Variants in NBPF12 observed in about 807,000 individuals in gnomAD.
NBPF12 encodes NBPF member 12.
A neutral mutation model predicts 146.4 loss-of-function variants in NBPF12; 115 were observed. The observed-to-expected ratio is 0.79, with a 90% CI of 0.68 to 0.92. The LOEUF (loss-of-function observed/expected upper bound fraction) is 0.92, where lower values mean the gene tolerates loss of function less well. NBPF12 is among the 40% of genes least tolerant of loss of function. The probability of loss-of-function intolerance (pLI) is 0.00; values close to 1 mark genes in which losing one functional copy is unlikely to be tolerated. For synonymous variants in NBPF12, 385 were observed against 508.9 expected (o/e 0.76, Z 3.28); for missense variants, 1,205 against 1,326.8 (o/e 0.91, Z 1.43).
chr1:146,969,099 A>G (rs1281675114), intron 10 of NBPF12, among the ~76,000 whole-genome samples: 2 of 151,252 alleles, frequency 1.3e-5, no homozygotes, highest in South Asian at 2.1e-4. Flanking sequence ...AACTGAAAGG[A>G]TGTCTTTTTG....
intron 14 of NBPF12, 133 bp downstream of exon 17, chr1:146,973,093 T>G (rs1385642723): frequency 1.6e-6 from 1 of 636,648 alleles, no homozygotes; most frequent in Non-Finnish European, 2.8e-6. Flanking sequence ...ATGGGTATTT[T>G]AACATTTTGT....
At chr1:146,967,274 G>A (rs1186955229) in intron 9 of NBPF12, among the ~76,000 whole-genome samples, 1 of 150,790 alleles carries the variant, frequency 6.6e-6, no homozygotes, top group Non-Finnish European at 1.5e-5. Flanking sequence ...AGGCTGAGGC[G>A]AGTAGAGCAC....
intron 10 of NBPF12, 72 bp downstream of exon 13, chr1:146,968,622 A>T: frequency 7.0e-7 from 1 of 1,424,286 alleles, no homozygotes; most frequent in Non-Finnish European, 9.9e-7. Flanking sequence ...CTCGGTGGGG[A>T]GACTTAAGAG....
intron 13 of NBPF12, 133 bp from the exon 17 acceptor site, chr1:146,972,618 C>G (rs1362301104): frequency 9.3e-6 from 8 of 859,582 alleles, no homozygotes; most frequent in Admixed American, 9.1e-5. Context: ...CTGGAGATGA[C>G]AAGGGTGAAA....
At chr1:146,938,892 G>A (rs1425571893) in exon 1 of NBPF12, 6 of 152,158 alleles carry the variant, frequency 3.9e-5, no homozygotes, top group African/African-American at 7.3e-5. Flanking sequence ...GGCGACCTGC[G>A]GCGCCAGGAG....
At chr1:146,961,009 C>T (rs1570836915) in intron 4 of NBPF12, among the ~76,000 whole-genome samples, 3 of 152,018 alleles carry the variant, frequency 2.0e-5, no homozygotes, top group East Asian at 1.9e-4. Flanking sequence ...AGATGGGCGT[C>T]GTGGCGGGCA....
upstream of NBPF12, among the ~76,000 whole-genome samples, chr1:146,946,512 C>CTTTTTTTTTTTTT (rs3071268): frequency 4.9e-5 from 2 of 41,042 alleles, no homozygotes; most frequent in African/African-American, 2.0e-4. Flanking sequence ...GATCTTTCAC[C>CTTTTTTTTTTTTT]TTTTTTTTTT....
chr1:146,965,642 A>T (rs1656141784), intron 8 of NBPF12, among the ~76,000 whole-genome samples: 1 of 140,548 alleles, frequency 7.1e-6, no homozygotes, highest in Admixed American at 7.5e-5. Context: ...AAAAAAAAAA[A>T]TTAGCTGGGC....
At chr1:146,964,377 G>A in exon 7 of NBPF12, 1 of 1,603,214 alleles carries the variant, frequency 6.2e-7, no homozygotes, top group Admixed American at 1.7e-5. Context: ...AGATGAGGAT[G>A]AAGATGTTCA....
rs1553885447 is a variant in NBPF12, at chr1:146,965,124, T to C, written c.778+20T>C. 5 of 1,326,424 alleles carry C rather than the reference T, an allele frequency of 3.8e-6. No individual in the cohort carries two copies. Among genetic ancestry groups the C allele is most frequent in the East Asian group, 2.3e-5 (1 of 43,558 alleles). The allele number at this position is 1,326,424 out of a possible 1,614,324, so 82.2% of individuals were successfully genotyped here. On this transcript the variant is annotated intron_variant, in intron 8 of 33. Coordinates refer to ENST00000617844, the Ensembl canonical transcript of NBPF12. Reference sequence around the variant, plus strand: ...TCCCAGGTAGCCTCTATTTTCCTTGTGTCTCATACCTCTGTCTAGGCTATG... The same window carrying C: ...TCCCAGGTAGCCTCTATTTTCCTTGCGTCTCATACCTCTGTCTAGGCTATG...
At chr1:146,972,050 T>C (rs1656668263) in intron 13 of NBPF12, among the ~76,000 whole-genome samples, 2 of 145,858 alleles carry the variant, frequency 1.4e-5, no homozygotes, top group Non-Finnish European at 3.0e-5. Flanking sequence ...ATTGTGCCAC[T>C]GCACTCCAGC....
At chr1:146,965,609 C>T (rs1416153189) in intron 8 of NBPF12, among the ~76,000 whole-genome samples, 3 of 142,122 alleles carry the variant, frequency 2.1e-5, no homozygotes, top group Admixed American at 7.3e-5. Context: ...GGTGAAACCC[C>T]GTCTTTACTA....
At chr1:146,966,541 A>T in exon 9 of NBPF12, 1 of 1,460,706 alleles carries the variant, frequency 6.8e-7, no homozygotes, top group Non-Finnish European at 9.6e-7. Flanking sequence ...GAAGGCAGAG[A>T]TGAACATTCT....
chr1:146,981,281 AAAAAAAAAAAAAAATATAT>A (rs1410658283), intron 19 of NBPF12, among the ~76,000 whole-genome samples: 5 of 51,924 alleles, frequency 9.6e-5, no homozygotes, highest in African/African-American at 3.9e-4. Flanking sequence ...AAGTATTAAA[AAAAAAAAAAAAAAATATAT>A]ATATATATAT....
rs1463155741 is a variant in NBPF12, at chr1:146,958,070, G to A, written c.-183-1789G>A. Among the ~76,000 whole-genome samples, 2 of 118,588 alleles carry A rather than the reference G, an allele frequency of 1.7e-5. 1 individual carries two copies. Among genetic ancestry groups the A allele is most frequent in the Admixed American group, 1.8e-4 (2 of 11,010 alleles). The allele number at this position is 118,588 out of a possible 152,430, so 77.8% of individuals were successfully genotyped here. ...ATATACATATACACACGTGTGCCAT[G>A]TTGGTTTGCTGCACCCATTAACTCG... is the stretch of plus-strand genomic sequence containing the variant. On this transcript the variant is annotated intron_variant, in intron 2 of 33. Transcript: ENST00000617844.
At chr1:146,968,963 C>A (rs1263925137) in intron 10 of NBPF12, among the ~76,000 whole-genome samples, 1 of 151,492 alleles carries the variant, frequency 6.6e-6, no homozygotes, top group African/African-American at 2.4e-5. Flanking sequence ...TCATTCTTTT[C>A]TTCTTTCATC....
chr1:146,943,819 G>A (rs1200594459), intron 2 of NBPF12, among the ~76,000 whole-genome samples: 5 of 151,168 alleles, frequency 3.3e-5, no homozygotes, highest in Admixed American at 3.3e-4. Context: ...ACTTTTCCTT[G>A]GTAGCTAGAT....
Position 146,966,687 on chromosome 1 carries a change from G to C in NBPF12, c.988+14G>C. On this transcript the variant is annotated intron_variant, in intron 9 of 33. Transcript: ENST00000617844. Reference sequence around the variant, plus strand: ...AGAACAAATACAGTAAGATCTACAGGCTCACCATCACGAAAGTGATGAACA... The same window carrying C: ...AGAACAAATACAGTAAGATCTACAGCCTCACCATCACGAAAGTGATGAACA... The C allele has an allele frequency of 7.9e-7, 1 of 1,260,452 alleles. No homozygotes were observed. Among genetic ancestry groups the C allele is most frequent in the Non-Finnish European group, 1.2e-6 (1 of 859,642 alleles). 78.1% of individuals were successfully genotyped at this position (1,260,452 alleles called of 1,614,324 possible).
chr1:146,965,455 C>T (rs1338715805), intron 8 of NBPF12, among the ~76,000 whole-genome samples: 2 of 141,848 alleles, frequency 1.4e-5, no homozygotes, highest in African/African-American at 5.2e-5. Context: ...TTCTGTCAGG[C>T]TAGACTCTCT....
Sources: allele counts gnomAD v4.1 joint callset (sites outside exome capture counted in the v4.1 genomes callset), GRCh38; gene constraint gnomAD v4.1.1; transcripts MANE v1.5; gene names NCBI Gene and HGNC (gene_info 2026-07-23, HGNC 2026-07-21).